Variants in CENPP observed in about 807,000 individuals in gnomAD.
CENPP encodes the protein centromere protein P.
Under a neutral mutation model 35.6 loss-of-function variants are expected in CENPP, and 24 were observed. The observed-to-expected ratio is 0.67, with a 90% CI of 0.49 to 0.95. CENPP has a LOEUF of 0.95. Among genes scored for constraint, CENPP ranks in the 40% least tolerant of loss-of-function variants. The probability of loss-of-function intolerance (pLI) is 0.00; values close to 1 mark genes in which losing one functional copy is unlikely to be tolerated. For synonymous variants in CENPP, 120 were observed against 125.5 expected (o/e 0.96, Z 0.29); for missense variants, 332 against 345.3 (o/e 0.96, Z 0.31).
intron 5 of CENPP, among the ~76,000 whole-genome samples, chr9:92,595,643 G>A (rs1460098509): frequency 3.3e-5 from 5 of 151,596 alleles, no homozygotes; most frequent in Non-Finnish European, 5.9e-5. Flanking sequence ...TCGGCTCACT[G>A]CAACCTCCGT....
At position 92,613,206 on chromosome 9, in the gene CENPP, A is replaced by C; in HGVS notation, c.*57A>C. On this transcript the variant is annotated 3_prime_UTR_variant, in exon 8 of 8. Transcript: ENST00000375587. The stretch of plus-strand genomic sequence containing the variant: ...GCTGCGTGGAGGAACATGCAATTTT[A>C]TTCAATATAAACATTTGCTATTTTC... 1 of 1,607,852 alleles carries C rather than the reference A, an allele frequency of 6.2e-7. No homozygotes were observed. Among genetic ancestry groups the C allele is most frequent in the Non-Finnish European group, 8.5e-7 (1 of 1,174,772 alleles).
chr9:92,442,034 A>G (rs1423089240), intron 5 of CENPP, among the ~76,000 whole-genome samples: 1 of 152,180 alleles, frequency 6.6e-6, no homozygotes, highest in East Asian at 1.9e-4. Flanking sequence ...GTGCATCACA[A>G]GAAAATAGAA....
intron 5 of CENPP, among the ~76,000 whole-genome samples, chr9:92,412,148 A>T (rs1185067782): frequency 6.6e-6 from 1 of 152,124 alleles, no homozygotes; most frequent in Non-Finnish European, 1.5e-5. Context: ...GTGCAGAAGC[A>T]TGATCATGGC....
intron 5 of CENPP, among the ~76,000 whole-genome samples, chr9:92,408,522 C>T (rs1467193681): frequency 6.6e-6 from 1 of 152,160 alleles, no homozygotes; most frequent in Non-Finnish European, 1.5e-5. Context: ...TTCCCCTGAC[C>T]TTGGCAAGTT....
At position 92,616,118 on chromosome 9, in the gene CENPP, G is replaced by T; in HGVS notation, c.*2969G>T. On this transcript the variant is annotated 3_prime_UTR_variant, in exon 8 of 8. Coordinates refer to ENST00000375587, the MANE Select transcript of CENPP (RefSeq NM_001012267.3). ...CCCCCCATTCATTTCCCTCCCTCCCGTTCTCTCTCCCTTTCTTCTTTCAAC... is the reference window on the plus strand; with the variant it reads ...CCCCCCATTCATTTCCCTCCCTCCCTTTCTCTCTCCCTTTCTTCTTTCAAC... The T allele has an allele frequency of 1.7e-6, 2 of 1,150,320 alleles. No homozygotes were observed. The highest frequency in any genetic ancestry group is 2.5e-5 in the East Asian group (1 of 40,142). 71.3% of individuals were successfully genotyped at this position (1,150,320 alleles called of 1,614,324 possible).
chr9:92,378,841 G>A (rs2130865648), intron 4 of CENPP, among the ~76,000 whole-genome samples: 1 of 152,256 alleles, frequency 6.6e-6, no homozygotes, highest in African/African-American at 2.4e-5. Context: ...GTGGTGTGGT[G>A]GTGTGGTAAT....
intron 5 of CENPP, among the ~76,000 whole-genome samples, chr9:92,597,302 G>A (rs1850807603): frequency 6.6e-6 from 1 of 152,182 alleles, no homozygotes; most frequent in South Asian, 2.1e-4. Context: ...AGAATGAAGG[G>A]CTCCAAACGG....
rs117148427 is a variant in CENPP, at chr9:92,493,399, G to A, written c.564+113540G>A. ...GGGCTCCCAAGTCTCTTGGTTCCTGGTGTAGTTATTTCATTATACCAGGTT... is the reference window on the plus strand; with the variant it reads ...GGGCTCCCAAGTCTCTTGGTTCCTGATGTAGTTATTTCATTATACCAGGTT... On this transcript the variant is annotated intron_variant, in intron 5 of 7. Transcript: ENST00000375587. Among the ~76,000 whole-genome samples the A allele has an allele frequency of 1.7e-4, 26 of 152,256 alleles. No individual in the cohort carries two copies. The East Asian group carries it at 4.6e-3, about 27-fold the overall frequency.
intron 5 of CENPP, chr9:92,522,684 A>G (rs982023513): frequency 3.7e-6 from 6 of 1,614,168 alleles, no homozygotes; most frequent in Admixed American, 1.7e-5. Flanking sequence ...CTACTGGTGT[A>G]AAAACTGTTG....
At chr9:92,331,193 T>G (rs956405435) in intron 1 of CENPP, among the ~76,000 whole-genome samples, 1 of 152,248 alleles carries the variant, frequency 6.6e-6, no homozygotes, top group African/African-American at 2.4e-5. Context: ...CTTTTTTTAT[T>G]TTTTTGAGAG....
rs992624452 is a variant in CENPP at position 92,612,399 on chromosome 9, T to C, written c.645-124T>C. The stretch of plus-strand genomic sequence containing the variant: ...TACTGACTGTGCCTCTTCTTGGCTG[T>C]GGATTGGGGTTTCTAGCAGGGGAGC... On this transcript the variant is annotated intron_variant, in intron 6 of 7. Coordinates refer to ENST00000375587, the MANE Select transcript of CENPP (RefSeq NM_001012267.3). 6 of 711,846 alleles carry C rather than the reference T, an allele frequency of 8.4e-6. No homozygotes were observed. The African/African-American group carries it at 8.7e-5, about 10-fold the overall frequency. The allele number at this position is 711,846 out of a possible 1,614,324, so 44.1% of individuals were successfully genotyped here.
At chr9:92,395,377 A>G (rs1307632633) in intron 5 of CENPP, among the ~76,000 whole-genome samples, 1 of 152,124 alleles carries the variant, frequency 6.6e-6, no homozygotes. Context: ...CTTCTTTATT[A>G]CTCAGTAGTA....
chr9:92,571,242 C>G (rs924424666), intron 5 of CENPP, among the ~76,000 whole-genome samples: 1 of 152,190 alleles, frequency 6.6e-6, no homozygotes, highest in African/African-American at 2.4e-5. Flanking sequence ...GCTCTACACA[C>G]TGCTTTAAAT....
chr9:92,533,507 A>G (rs1848988727), intron 5 of CENPP, among the ~76,000 whole-genome samples: 1 of 151,136 alleles, frequency 6.6e-6, no homozygotes, highest in Non-Finnish European at 1.5e-5. Context: ...AGATGCTTCT[A>G]GAAGAAAAAC....
intron 5 of CENPP, among the ~76,000 whole-genome samples, chr9:92,446,377 A>C (rs1351363963): frequency 6.6e-6 from 1 of 152,224 alleles, no homozygotes; most frequent in Non-Finnish European, 1.5e-5. Context: ...AGAGCTCCTC[A>C]GAGTCTATAA....
chr9:92,470,607 C>A, intron 5 of CENPP: 1 of 867,720 alleles, frequency 1.2e-6, no homozygotes. Flanking sequence ...TATAATTAAT[C>A]ATTATAGCAA....
intron 5 of CENPP, among the ~76,000 whole-genome samples, chr9:92,588,611 C>T (rs1339541996): frequency 6.6e-6 from 1 of 152,114 alleles, no homozygotes; most frequent in African/African-American, 2.4e-5. Context: ...ATCACCTAAC[C>T]CCCAGGATAT....
intron 4 of CENPP, among the ~76,000 whole-genome samples, chr9:92,374,728 G>C (rs996741317): frequency 2.0e-5 from 3 of 152,176 alleles, no homozygotes; most frequent in Non-Finnish European, 4.4e-5. Context: ...ATGGGAAAAA[G>C]AGGGCTTATT....
chr9:92,498,334 G>A lies in CENPP; in HGVS notation c.565-112980G>A, dbSNP rs1846477337. On this transcript the variant is annotated intron_variant, in intron 5 of 7. Coordinates refer to ENST00000375587, the MANE Select transcript of CENPP (RefSeq NM_001012267.3). ...CGTTGGGGGAGGGATAGCATTAGGA[G>A]GTATACCTAATATTAAATGAAGAGT... 1.3e-5 allele frequency among the ~76,000 whole-genome samples: 2 copies of A among 151,950 alleles called. 1 individual carries two copies. The highest frequency in any genetic ancestry group is 4.1e-4 in the South Asian group (2 of 4,820).
Sources: allele counts gnomAD v4.1 joint callset (sites outside exome capture counted in the v4.1 genomes callset), GRCh38; gene constraint gnomAD v4.1.1; transcripts MANE v1.5; gene names NCBI Gene and HGNC (gene_info 2026-07-23, HGNC 2026-07-21).